PLCG2: variants seen among roughly 807,000 people sequenced by gnomAD.
PLCG2 encodes the protein phospholipase C gamma 2, also known as 1-phosphatidylinositol 4,5-bisphosphate phosphodiesterase gamma-2.
A neutral mutation model predicts 175.6 loss-of-function variants in PLCG2; 69 were observed. The ratio of observed to expected loss-of-function variants is 0.39; its 90% CI spans 0.32 to 0.48. The LOEUF is 0.48. Ranked by LOEUF, PLCG2 falls within the 20% of genes least tolerant of loss-of-function variation. The probability of loss-of-function intolerance (pLI) is 0.91; values close to 1 mark genes in which losing one functional copy is unlikely to be tolerated. For synonymous variants in PLCG2, 827 were observed against 624.0 expected (o/e 1.33, Z -4.85); for missense variants, 1,798 against 1,650.9 (o/e 1.09, Z -1.54).
chr16:81,881,012 C>G (rs1597370557), intron 8 of PLCG2, 59 bp downstream of exon 8: 1 of 1,551,766 alleles, frequency 6.4e-7, no homozygotes, highest in African/African-American at 1.4e-5. Flanking sequence ...TGCCTGGTGC[C>G]CAGCCGGCCT....
intron 31 of PLCG2, among the ~76,000 whole-genome samples, chr16:81,947,841 A>G (rs940952342): frequency 6.6e-6 from 1 of 152,174 alleles, no homozygotes; most frequent in Non-Finnish European, 1.5e-5. Context: ...AAGGTGGGGG[A>G]GTTGAAAAGA....
At chr16:81,814,107 C>A (rs191877491) in intron 2 of PLCG2, among the ~76,000 whole-genome samples, 2 of 152,192 alleles carry the variant, frequency 1.3e-5, no homozygotes, top group East Asian at 1.9e-4. Context: ...GGATAAGGGG[C>A]TGGGAACCCA....
chr16:81,939,500 AG>A (rs1360235639), intron 29 of PLCG2, among the ~76,000 whole-genome samples: 30 of 152,292 alleles, frequency 2.0e-4, no homozygotes, highest in African/African-American at 7.2e-4. Context: ...CTGCTCTGTG[AG>A]GCTGGGCTCT....
At chr16:81,883,438 G>A in intron 9 of PLCG2, 97 bp downstream of exon 9, 1 of 958,422 alleles carries the variant, frequency 1.0e-6, no homozygotes, top group Non-Finnish European at 1.6e-6. Context: ...CTGGTCACCT[G>A]TGCTCACCTG....
chr16:81,881,708 A>T (rs1338799836), intron 8 of PLCG2, among the ~76,000 whole-genome samples: 1 of 152,124 alleles, frequency 6.6e-6, no homozygotes, highest in South Asian at 2.1e-4. Context: ...GCACTGGCGC[A>T]ATCTTGGCTC....
At chr16:81,837,795 C>T (rs933226934) in intron 2 of PLCG2, among the ~76,000 whole-genome samples, 2 of 150,522 alleles carry the variant, frequency 1.3e-5, no homozygotes, top group African/African-American at 4.9e-5. Flanking sequence ...AGAGAGATCT[C>T]ATGTGAACGT....
chr16:81,777,739 G>T (rs1319092570), upstream of PLCG2, among the ~76,000 whole-genome samples: 1 of 152,022 alleles, frequency 6.6e-6, no homozygotes, highest in Admixed American at 6.6e-5. Flanking sequence ...TAACAGGCCG[G>T]GTGCAGTGGC....
intron 2 of PLCG2, among the ~76,000 whole-genome samples, chr16:81,800,851 G>T (rs1419742471): frequency 6.6e-6 from 1 of 152,182 alleles, no homozygotes; most frequent in Middle Eastern, 3.4e-3. Flanking sequence ...GGATTATCTG[G>T]GTGGATATGA....
chr16:81,804,205 C>A (rs909774994), intron 2 of PLCG2, among the ~76,000 whole-genome samples: 5 of 152,224 alleles, frequency 3.3e-5, no homozygotes, highest in Middle Eastern at 3.2e-3. Flanking sequence ...ATGTCCTCGC[C>A]AACACATGTT....
In PLCG2 at chr16:81,919,609, G is replaced by A. The variant is rs369516453; in HGVS notation, c.2180G>A (p.Arg727Gln). The change falls in exon 20 of 33, where the codon CGA becomes CAA. Residue 727 changes from arginine (R) to glutamine (Q), a missense_variant. Coordinates refer to ENST00000564138, the MANE Select transcript of PLCG2 (RefSeq NM_002661.5). ...TACTACGAGAAGCATTCACTCTACC[G>A]AAAGATGAGACTGCGCTACCCCGTG... The part of the protein sequence containing the change: ...VSYYEKHSLY[R>Q]KMRLRYPVTP... 12 of 1,614,020 alleles carry A rather than the reference G, an allele frequency of 7.4e-6. No individual in the cohort carries two copies. The highest frequency in any genetic ancestry group is 1.7e-5 in the Admixed American group (1 of 60,002).
chr16:81,747,905 G>A (rs1259982745), intron 1 of PLCG2, among the ~76,000 whole-genome samples: 1 of 151,524 alleles, frequency 6.6e-6, no homozygotes, highest in Admixed American at 6.6e-5. Flanking sequence ...TTTTTTTTGA[G>A]ATGGAATCAC....
intron 27 of PLCG2, among the ~76,000 whole-genome samples, chr16:81,936,695 C>G (rs908556219): frequency 6.6e-6 from 1 of 152,346 alleles, no homozygotes; most frequent in Non-Finnish European, 1.5e-5. Flanking sequence ...TTCTCCAGGC[C>G]TGTTGCTGTG....
chr16:81,819,795 A>C (rs1334364519), intron 2 of PLCG2, among the ~76,000 whole-genome samples: 1 of 152,154 alleles, frequency 6.6e-6, no homozygotes, highest in African/African-American at 2.4e-5. Context: ...CATGTTGGCC[A>C]GGCTGGTCTC....
chr16:81,778,016 CAAAAAAA>C (rs753644088), upstream of PLCG2, among the ~76,000 whole-genome samples: 62 of 49,064 alleles, frequency 1.3e-3, no homozygotes, highest in African/African-American at 6.0e-3. Context: ...GACTTTGTCT[CAAAAAAA>C]AAAAAAAACA....
chr16:81,875,246 G>A (rs1907724447), intron 7 of PLCG2, among the ~76,000 whole-genome samples: 2 of 152,178 alleles, frequency 1.3e-5, no homozygotes, highest in South Asian at 4.1e-4. Flanking sequence ...TTACAGGTGT[G>A]AGCCATCATG....
chr16:81,851,057 G>A (rs12934301), intron 2 of PLCG2, among the ~76,000 whole-genome samples: 27 of 152,074 alleles, frequency 1.8e-4, no homozygotes, highest in African/African-American at 6.3e-4. Flanking sequence ...TGTGACGGGG[G>A]ATGAGTCCTT....
intron 2 of PLCG2, among the ~76,000 whole-genome samples, chr16:81,820,673 T>A (rs1177413845): frequency 6.6e-6 from 1 of 152,022 alleles, no homozygotes; most frequent in Non-Finnish European, 1.5e-5. Flanking sequence ...CAGGCTGGAG[T>A]GCAGTGGCGC....
intron 2 of PLCG2, among the ~76,000 whole-genome samples, chr16:81,846,869 A>G (rs941756490): frequency 6.6e-6 from 1 of 152,122 alleles, no homozygotes; most frequent in Non-Finnish European, 1.5e-5. Flanking sequence ...CTCTGTACTC[A>G]ACACTTTTGA....
chr16:81,860,180 T>G (rs896880907), intron 5 of PLCG2, among the ~76,000 whole-genome samples: 1 of 147,080 alleles, frequency 6.8e-6, no homozygotes, highest in African/African-American at 2.5e-5. Flanking sequence ...TTATTTTTTT[T>G]TTTTTTTGTA....
Sources: gnomAD v4.1 joint callset for allele counts (sites outside exome capture counted in the v4.1 genomes callset) on GRCh38, gnomAD v4.1.1 for gene constraint, MANE v1.5 for transcripts, NCBI Gene and HGNC (gene_info 2026-07-23, HGNC 2026-07-21) for gene names.